Variants in IPPK observed in about 807,000 individuals in gnomAD.
IPPK encodes IPK1 homolog.
IPPK carries 22 observed loss-of-function variants against 64.6 expected under a neutral mutation model. That is an observed-to-expected ratio of 0.34 (90% CI 0.24 to 0.49). The LOEUF is 0.49. Ranked by LOEUF, IPPK falls within the 20% of genes least tolerant of loss-of-function variation. The probability of loss-of-function intolerance (pLI) is 0.99; values close to 1 mark genes in which losing one functional copy is unlikely to be tolerated. For synonymous variants in IPPK, 262 were observed against 247.2 expected, an observed-to-expected ratio of 1.06 and a Z score of -0.56; for missense variants, 532 against 630.7, an observed-to-expected ratio of 0.84 and a Z score of 1.68.
chr9:92,644,150 C>T (rs540059375), intron 6 of IPPK, among the ~76,000 whole-genome samples: 2 of 152,152 alleles, frequency 1.3e-5, no homozygotes, highest in East Asian at 3.9e-4. Context: ...CAGAAATTCT[C>T]TCCTCTGTAA....
chr9:92,649,747 G>A (rs1347087317), intron 4 of IPPK, among the ~76,000 whole-genome samples, 173 bp from the exon 5 acceptor site: 1 of 152,162 alleles, frequency 6.6e-6, no homozygotes, highest in Non-Finnish European at 1.5e-5. Flanking sequence ...CGTGGTTTAG[G>A]CCAGGTGAGG....
chr9:92,634,320 CA>C (rs1851898138), intron 11 of IPPK, 65 bp downstream of exon 11: 4 of 1,182,354 alleles, frequency 3.4e-6, no homozygotes, highest in Admixed American at 2.0e-5. Flanking sequence ...ATACAAAAAA[CA>C]AAAAAACAGA....
At chr9:92,634,301 GA>G (rs915528077) in intron 11 of IPPK, 84 bp downstream of exon 11, 516 of 924,054 alleles carry the variant, frequency 5.6e-4, no homozygotes, top group Non-Finnish European at 6.2e-4. Context: ...GTAGGTAATG[GA>G]AAAAAAAATA....
rs1046820758 is a variant in IPPK, at chr9:92,613,302, C to T, written c.*2530G>A. On this transcript the variant is annotated 3_prime_UTR_variant, in exon 13 of 13. Coordinates refer to ENST00000287996, the MANE Select transcript of IPPK (RefSeq NM_022755.6). ...GCACATTATATGGAAACTCTCATGA[C>T]ATGAAAAATAAATACAACTAGTTAA... is the stretch of plus-strand genomic sequence containing the variant. 2.5e-6 allele frequency: 2 copies of T among 786,022 alleles called. No individual in the cohort carries two copies. The highest frequency in any genetic ancestry group is 1.7e-5 in the African/African-American group (1 of 57,342). The allele number at this position is 786,022 out of a possible 1,614,324, so 48.7% of individuals were successfully genotyped here.
intron 5 of IPPK, among the ~76,000 whole-genome samples, chr9:92,648,675 G>GAACCATCTCCCA (rs1852196344): frequency 6.6e-6 from 1 of 152,224 alleles, no homozygotes; most frequent in Non-Finnish European, 1.5e-5. Flanking sequence ...GGCTGGGGAA[G>GAACCATCTCCCA]CAGAACATCC....
chr9:92,659,418 G>C (rs1189244662), intron 1 of IPPK, among the ~76,000 whole-genome samples: 1 of 152,150 alleles, frequency 6.6e-6, no homozygotes, highest in African/African-American at 2.4e-5. Flanking sequence ...ACATCAAAAG[G>C]TCTGAAAGGA....
intron 11 of IPPK, among the ~76,000 whole-genome samples, chr9:92,631,862 G>T (rs375018675): frequency 6.6e-6 from 1 of 152,310 alleles, no homozygotes; most frequent in East Asian, 1.9e-4. Context: ...TCACCACAGG[G>T]ATCCCCTGGT....
At chr9:92,642,689 C>T in intron 7 of IPPK, 63 bp downstream of exon 7, 1 of 1,445,228 alleles carries the variant, frequency 6.9e-7, no homozygotes. Context: ...CAGGCACTGG[C>T]CCCCGCCCTA....
At chr9:92,627,915 TCACACA>T (rs1851763121) in intron 11 of IPPK, among the ~76,000 whole-genome samples, 1 of 152,136 alleles carries the variant, frequency 6.6e-6, no homozygotes, top group African/African-American at 2.4e-5. Context: ...CTATTTCTAC[TCACACA>T]TGATCTTAAA....
At chr9:92,663,014 C>T (rs540874414) in intron 1 of IPPK, among the ~76,000 whole-genome samples, 14 of 152,224 alleles carry the variant, frequency 9.2e-5, no homozygotes, top group Admixed American at 1.3e-4. Flanking sequence ...GGATGTCCAA[C>T]GCAACACTGG....
intron 7 of IPPK, among the ~76,000 whole-genome samples, chr9:92,642,530 C>T (rs1363901599): frequency 2.0e-5 from 3 of 152,176 alleles, no homozygotes; most frequent in Non-Finnish European, 2.9e-5. Context: ...GAGGAAACAA[C>T]CAAAAGTGAG....
chr9:92,651,112 G>A (rs533639727), intron 4 of IPPK, among the ~76,000 whole-genome samples: 8 of 151,914 alleles, frequency 5.3e-5, no homozygotes, highest in South Asian at 2.1e-4. Flanking sequence ...GTCCTGTGGC[G>A]TTCCCGCCTC....
chr9:92,651,568 C>A (rs1171122821), intron 4 of IPPK, among the ~76,000 whole-genome samples: 1 of 152,252 alleles, frequency 6.6e-6, no homozygotes, highest in Non-Finnish European at 1.5e-5. Flanking sequence ...CCCTCCTGGG[C>A]CAGGCCCTCC....
intron 11 of IPPK, among the ~76,000 whole-genome samples, chr9:92,627,579 T>G (rs941988111): frequency 1.3e-5 from 2 of 152,116 alleles, no homozygotes; most frequent in African/African-American, 4.8e-5. Flanking sequence ...ATACACCACA[T>G]TAACAGAATA....
In IPPK at chr9:92,635,914, G is replaced by GT. The variant is rs904877714; in HGVS notation, c.917-607dup. Among the ~76,000 whole-genome samples, 6 of 152,126 alleles carry GT rather than the reference G, an allele frequency of 3.9e-5. No homozygotes were observed. Among genetic ancestry groups the GT allele is most frequent in the Non-Finnish European group, 8.8e-5 (6 of 68,022 alleles). ...GCCATGAGCCCACACTGAGAGGCAG[G>GT]TAAGACCTGGGCTGGCGACAGGCAC... On this transcript the variant is annotated intron_variant, in intron 9 of 12. Transcript: ENST00000287996. The surrounding 1 kb of genome is among the most constrained non-coding windows in gnomAD (Gnocchi z 4.4).
intron 4 of IPPK, 26 bp from the exon 5 acceptor site, chr9:92,649,600 A>T: frequency 6.2e-7 from 1 of 1,613,096 alleles, no homozygotes; most frequent in Non-Finnish European, 8.5e-7. Flanking sequence ...AGGGTCACAC[A>T]GAGCAAGGTC....
Position 92,658,583 on chromosome 9 carries a change from A to G in IPPK, c.129+51T>C, listed in dbSNP as rs774264843. 10 of 1,446,648 alleles carry G rather than the reference A, an allele frequency of 6.9e-6. No individual in the cohort carries two copies. In the East Asian group the frequency reaches 2.3e-4, roughly 33 times the overall value. 89.6% of individuals were successfully genotyped at this position (1,446,648 alleles called of 1,614,324 possible). A position where few individuals can be genotyped will look rare whatever the true frequency, so the allele number is the denominator to read the frequency against. On this transcript the variant is annotated intron_variant, in intron 2 of 12. Coordinates refer to ENST00000287996, the MANE Select transcript of IPPK (RefSeq NM_022755.6). ...TTTCTACATCGGAAAAAAAAATCAG[A>G]GTTTTCTTAAATAATTGTTGTAAGT...
Position 92,652,567 on chromosome 9 carries a change from C to A in IPPK, c.292+6G>T. 6.6e-7 allele frequency: 1 copy of A among 1,509,690 alleles called. No individual in the cohort carries two copies. Among genetic ancestry groups the A allele is most frequent in the Non-Finnish European group, 9.1e-7 (1 of 1,099,732 alleles). 93.5% of individuals were successfully genotyped at this position (1,509,690 alleles called of 1,614,324 possible). A position where few individuals can be genotyped will look rare whatever the true frequency, so the allele number is the denominator to read the frequency against. Reference sequence around the variant, plus strand: ...CAAACAATATCTGTAAGTTAAACACCCTTACCTGGTCTTTCAGATTGTATC... The same window carrying A: ...CAAACAATATCTGTAAGTTAAACACACTTACCTGGTCTTTCAGATTGTATC... On this transcript the variant is annotated splice_donor_region_variant and intron_variant, in intron 4 of 12. Coordinates refer to ENST00000287996, the MANE Select transcript of IPPK (RefSeq NM_022755.6).
At chr9:92,647,958 C>A in intron 6 of IPPK, 101 bp downstream of exon 6, 4 of 682,640 alleles carry the variant, frequency 5.9e-6, no homozygotes, top group South Asian at 1.9e-5. Flanking sequence ...TAAAAATATC[C>A]ATATTTTCTT....
Sources: gnomAD v4.1 joint callset for allele counts (sites outside exome capture counted in the v4.1 genomes callset) on GRCh38, gnomAD v4.1.1 for gene constraint, Gnocchi (gnomAD v3.1) non-coding constraint, MANE v1.5 for transcripts, NCBI Gene and HGNC (gene_info 2026-07-23, HGNC 2026-07-21) for gene names.